SCNN1G: variants seen among roughly 807,000 people sequenced by gnomAD.
The protein encoded by SCNN1G is epithelial sodium channel subunit gamma.
Under a neutral mutation model 64.6 loss-of-function variants are expected in SCNN1G, and 27 were observed. The observed-to-expected ratio is 0.42, with a 90% CI of 0.31 to 0.58. SCNN1G has a LOEUF of 0.58. SCNN1G is among the 20% of genes least tolerant of loss of function. SCNN1G has a pLI of 0.18. For missense variants in SCNN1G, 743 were observed against 823.4 expected, an observed-to-expected ratio of 0.90 and a Z score of 1.19; for synonymous variants, 330 against 314.2, an observed-to-expected ratio of 1.05 and a Z score of -0.53.
At chr16:23,186,643 C>T (rs1959611997) in intron 2 of SCNN1G, 55 bp downstream of exon 2, 3 of 1,474,762 alleles carry the variant, frequency 2.0e-6, no homozygotes, top group Non-Finnish European at 2.8e-6. Context: ...CCACAGAGGC[C>T]AAAGCCCCTC....
chr16:23,206,082 G>A (rs777091538), intron 6 of SCNN1G, among the ~76,000 whole-genome samples: 3 of 152,138 alleles, frequency 2.0e-5, no homozygotes, highest in South Asian at 2.1e-4. Context: ...CCTGCTTACC[G>A]CCCACCCCGC....
chr16:23,190,734 G>A (rs556744709), intron 3 of SCNN1G, among the ~76,000 whole-genome samples: 2 of 151,656 alleles, frequency 1.3e-5, no homozygotes, highest in South Asian at 2.1e-4. Flanking sequence ...AGAAAAAGAC[G>A]GACAATAAAC....
At chr16:23,192,290 G>T (rs1339935122) in intron 3 of SCNN1G, 62 bp from the exon 4 acceptor site, 1 of 1,332,570 alleles carries the variant, frequency 7.5e-7, no homozygotes, top group Non-Finnish European at 1.1e-6. Context: ...CATTCTTATG[G>T]TCCTTCTGAA....
intron 4 of SCNN1G, among the ~76,000 whole-genome samples, chr16:23,193,139 G>T (rs1245810770): frequency 6.8e-6 from 1 of 146,974 alleles, no homozygotes; most frequent in East Asian, 2.0e-4. Context: ...AGTAATTGCT[G>T]TTTTTGTCAT....
In SCNN1G at chr16:23,192,419, G is replaced by A. The variant is rs754136235; in HGVS notation, c.686G>A (p.Trp229Ter). 6.2e-7 allele frequency: 1 copy of A among 1,613,948 alleles called. No individual in the cohort carries two copies. The highest frequency in any genetic ancestry group is 8.5e-7 in the Non-Finnish European group (1 of 1,179,842). Residue 229 changes from tryptophan to a stop codon, truncating the protein, a stop_gained, in exon 4 of 13, where the codon TGG (tryptophan) becomes TAG (stop). Coordinates refer to ENST00000300061, the MANE Select transcript of SCNN1G (RefSeq NM_001039.4). LOFTEE classifies it high-confidence loss of function. ...FSSGINAIQE[W>*]YKLHYMNIMA... ...TCGGGAATCAATGCCATTCAGGAGT[G>A]GTATAAGCTACACTACATGAACATC...
intron 6 of SCNN1G, among the ~76,000 whole-genome samples, chr16:23,199,914 G>A (rs377717247): frequency 8.6e-5 from 13 of 151,776 alleles, no homozygotes; most frequent in African/African-American, 2.7e-4. Context: ...CTTGTGATCC[G>A]CCCGCCTCAG....
chr16:23,209,930 C>G, intron 7 of SCNN1G, 82 bp downstream of exon 7: 1 of 965,526 alleles, frequency 1.0e-6, no homozygotes, highest in South Asian at 1.3e-5. Flanking sequence ...TGGGGTGTGG[C>G]TTGCACCAGG....
intron 6 of SCNN1G, among the ~76,000 whole-genome samples, chr16:23,197,826 G>A (rs1959822273): frequency 6.6e-6 from 1 of 151,846 alleles, no homozygotes; most frequent in Non-Finnish European, 1.5e-5. Context: ...GTTGCAGTGG[G>A]CCGAGATCAC....
chr16:23,208,839 GAA>G (rs914183863), intron 6 of SCNN1G, among the ~76,000 whole-genome samples: 12 of 151,566 alleles, frequency 7.9e-5, no homozygotes, highest in Non-Finnish European at 1.3e-4. Context: ...TGGACTCAAG[GAA>G]TCCTCCCTCC....
chr16:23,204,334 T>TAGAGAGAGAG lies in SCNN1G; in HGVS notation c.1078-5386_1078-5377dup, dbSNP rs755322105. Among the ~76,000 whole-genome samples the TAGAGAGAGAG allele has an allele frequency of 1.0e-2, 151 of 15,154 alleles. 6 individuals carry two copies. Among genetic ancestry groups the TAGAGAGAGAG allele is most frequent in the South Asian group, 0.012 (2 of 172 alleles). The allele number at this position is 15,154 out of a possible 152,430, so 9.9% of individuals were successfully genotyped here. On this transcript the variant is annotated intron_variant, in intron 6 of 12. Transcript: ENST00000300061. ...ATATATATATATATATATATATATA[T>TAGAGAGAGAG]AGAGAGAGAGAGAGAGAGAGAGAGA...
chr16:23,210,498 C>T (rs1022192341), intron 7 of SCNN1G, among the ~76,000 whole-genome samples: 8 of 152,174 alleles, frequency 5.3e-5, no homozygotes, highest in Non-Finnish European at 1.2e-4. Flanking sequence ...TTTCACTACC[C>T]CTCCAGTATG....
intron 6 of SCNN1G, among the ~76,000 whole-genome samples, chr16:23,205,201 A>G (rs545372338): frequency 6.6e-6 from 1 of 152,158 alleles, no homozygotes; most frequent in Admixed American, 6.5e-5. Context: ...CCAAGCCTAC[A>G]TTCCTGACCC....
chr16:23,192,550 G>T lies in SCNN1G; in HGVS notation c.809+8G>T. On this transcript the variant is annotated splice_region_variant and intron_variant, in intron 4 of 12. Coordinates refer to ENST00000300061, the MANE Select transcript of SCNN1G (RefSeq NM_001039.4). ...AGTGTCCTGTGATGCCAGGTCAGGA[G>T]AGAATGCTGCTCTCTCAGCCTCTAA... 6.2e-7 allele frequency: 1 copy of T among 1,609,074 alleles called. No homozygotes were observed. The highest frequency in any genetic ancestry group is 1.1e-5 in the South Asian group (1 of 90,582).
rs1006107872 is a variant in SCNN1G, at chr16:23,194,349, C to T, written c.913+75C>T. 8.6e-5 allele frequency: 88 copies of T among 1,023,678 alleles called. No individual in the cohort carries two copies. The East Asian group carries it at 1.4e-3, about 17-fold the overall frequency. 63.4% of individuals were successfully genotyped at this position (1,023,678 alleles called of 1,614,324 possible). A position where few individuals can be genotyped will look rare whatever the true frequency, so the allele number is the denominator to read the frequency against. ...TGGGGGCAGCAGGACAGTGGGGATG[C>T]GGGAGCCCTCTGGAAAAGCGGGATC... On this transcript the variant is annotated intron_variant, in intron 5 of 12. Transcript: ENST00000300061.
intron 11 of SCNN1G, among the ~76,000 whole-genome samples, chr16:23,213,455 T>C (rs1259515968): frequency 6.6e-6 from 1 of 152,138 alleles, no homozygotes; most frequent in Non-Finnish European, 1.5e-5. Flanking sequence ...TTTCACCATA[T>C]TGGCCAGGCT....
chr16:23,210,034 G>A (rs1960054383), intron 7 of SCNN1G, among the ~76,000 whole-genome samples, 186 bp downstream of exon 7: 2 of 152,230 alleles, frequency 1.3e-5, no homozygotes, highest in South Asian at 4.1e-4. Context: ...TGTAACCAGA[G>A]CTTAATTGAT....
chr16:23,215,173 G>A lies in SCNN1G; in HGVS notation c.1654G>A (p.Val552Ile), dbSNP rs2141946564. ...SVVCVIEIIE[V>I]FFIDFFSIIA... ...TGTCTGCGTCATCGAGATCATCGAG[G>A]TCTTCTTCATTGACTTCTTCTCTAT... Residue 552 changes from valine (V) to isoleucine (I), a missense_variant, in exon 13 of 13, where the codon GTC becomes ATC. Coordinates refer to ENST00000300061, the MANE Select transcript of SCNN1G (RefSeq NM_001039.4). 6.2e-7 allele frequency: 1 copy of A among 1,614,170 alleles called. No homozygotes were observed. Among genetic ancestry groups the A allele is most frequent in the Non-Finnish European group, 8.5e-7 (1 of 1,180,044 alleles).
Position 23,215,447 on chromosome 16 carries a change from C to G in SCNN1G, c.1928C>G (p.Thr643Ser), listed in dbSNP as rs1011382700. Residue 643 changes from threonine (T) to serine (S), a missense_variant, in exon 13 of 13, where the codon ACC (threonine) becomes AGC (serine). Transcript: ENST00000300061. ...ERAFSNQLTD[T>S]QMLDEL The stretch of plus-strand genomic sequence containing the variant: ...GCCTTTTCCAACCAGCTCACAGATA[C>G]CCAGATGCTGGATGAGCTCTGAGGC... 2 of 1,611,904 alleles carry G rather than the reference C, an allele frequency of 1.2e-6. No individual in the cohort carries two copies. The highest frequency in any genetic ancestry group is 3.3e-5 in the Admixed American group (2 of 60,020).
rs1337451172 is a variant in SCNN1G at position 23,189,729 on chromosome 16, A to G, written c.618+58A>G. On this transcript the variant is annotated intron_variant, in intron 3 of 12. Coordinates refer to ENST00000300061, the MANE Select transcript of SCNN1G (RefSeq NM_001039.4). ...TAGGGGCATGGGATGGGCTGGGTCC[A>G]GGACTCTTCTCCTTGACCACTAGCC... is the stretch of plus-strand genomic sequence containing the variant. 4 of 1,529,530 alleles carry G rather than the reference A, an allele frequency of 2.6e-6. No homozygotes were observed. The African/African-American group carries it at 4.1e-5, about 16-fold the overall frequency. The allele number at this position is 1,529,530 out of a possible 1,614,324, so 94.7% of individuals were successfully genotyped here.
Sources: gnomAD v4.1 joint callset for allele counts (sites outside exome capture counted in the v4.1 genomes callset) on GRCh38, gnomAD v4.1.1 for gene constraint, MANE v1.5 for transcripts, NCBI Gene and HGNC (gene_info 2026-07-23, HGNC 2026-07-21) for gene names.